The following FBXL13 variants were observed in gnomAD, a reference collection of about 807,000 sequenced individuals.
FBXL13 encodes F-box and leucine rich repeat protein 13, also known as F-box and leucine-rich repeat protein 13.
In FBXL13, 67 loss-of-function variants were observed where a neutral mutation model predicts 83.6. The ratio of observed to expected loss-of-function variants is 0.80; its 90% CI spans 0.66 to 0.98. The LOEUF is 0.98. FBXL13 is among the 50% of genes least tolerant of loss of function. The pLI, the probability that FBXL13 is intolerant of heterozygous loss-of-function variation, is 0.00. For missense variants in FBXL13, 822 were observed against 866.5 expected (o/e 0.95, Z 0.64); for synonymous variants, 272 against 299.5 (o/e 0.91, Z 0.95).
intron 8 of FBXL13, among the ~76,000 whole-genome samples, chr7:102,946,110 G>A (rs929748123): frequency 2.0e-5 from 3 of 152,174 alleles, no homozygotes; most frequent in Non-Finnish European, 2.9e-5. Context: ...TTGAACTCCT[G>A]ACTTCAAGTG....
At chr7:102,966,803 A>T (rs1351737477) in intron 7 of FBXL13, among the ~76,000 whole-genome samples, 1 of 152,198 alleles carries the variant, frequency 6.6e-6, no homozygotes, top group Non-Finnish European at 1.5e-5. Context: ...GCAATGAGAA[A>T]TTGCCTGTTC....
intron 8 of FBXL13, among the ~76,000 whole-genome samples, chr7:102,955,489 C>A (rs1267361975): frequency 3.3e-5 from 5 of 151,138 alleles, no homozygotes; most frequent in Non-Finnish European, 5.9e-5. Flanking sequence ...ACTAGAGAAG[C>A]AAGAGCAAAT....
intron 2 of FBXL13, among the ~76,000 whole-genome samples, chr7:103,045,628 T>C (rs1796195292): frequency 6.6e-6 from 1 of 152,264 alleles, no homozygotes; most frequent in Non-Finnish European, 1.5e-5. Context: ...TGGTCTGTTC[T>C]AGGATCTATG....
intron 8 of FBXL13, among the ~76,000 whole-genome samples, chr7:102,961,587 A>G (rs1825220524): frequency 6.6e-6 from 1 of 150,828 alleles, no homozygotes; most frequent in Non-Finnish European, 1.5e-5. Flanking sequence ...TTCAAACTAT[A>G]CTACAAGGCT....
intron 8 of FBXL13, among the ~76,000 whole-genome samples, chr7:102,947,162 A>T (rs1320006737): frequency 1.3e-5 from 2 of 152,218 alleles, no homozygotes; most frequent in East Asian, 1.9e-4. Flanking sequence ...ATTATTGTTC[A>T]TGAGCCTCAG....
chr7:102,829,672 G>T (rs764271660), intron 18 of FBXL13, among the ~76,000 whole-genome samples: 1 of 152,078 alleles, frequency 6.6e-6, no homozygotes, highest in African/African-American at 2.4e-5. Flanking sequence ...TTTTAGTGTC[G>T]AGTAGGATGA....
intron 8 of FBXL13, chr7:102,944,417 A>G (rs200471398): frequency 6.2e-7 from 1 of 1,614,076 alleles, no homozygotes; most frequent in East Asian, 2.2e-5. Context: ...CTGGAATGCA[A>G]AACGCCTGAA....
intron 6 of FBXL13, chr7:102,976,243 G>GT (rs745804795): frequency 2.8e-6 from 2 of 722,928 alleles, no homozygotes; most frequent in African/African-American, 3.4e-5. Flanking sequence ...AGGCCAGTAT[G>GT]TTTTTAAAAT....
At chr7:102,863,524 A>T (rs1307793823) in intron 16 of FBXL13, among the ~76,000 whole-genome samples, 1 of 144,132 alleles carries the variant, frequency 6.9e-6, no homozygotes, top group African/African-American at 2.6e-5. Flanking sequence ...GGGGGGGGGG[A>T]TGGTACTGAA....
At chr7:102,822,512 G>A (rs1798940503) in intron 18 of FBXL13, 1 of 515,940 alleles carries the variant, frequency 1.9e-6, no homozygotes, top group Non-Finnish European at 3.7e-6. Context: ...CATCATGGGA[G>A]CTCTACCCTT....
intron 8 of FBXL13, among the ~76,000 whole-genome samples, chr7:102,947,388 G>C (rs1822707999): frequency 6.6e-6 from 1 of 152,106 alleles, no homozygotes; most frequent in Non-Finnish European, 1.5e-5. Context: ...TAATCCCCAG[G>C]GATGTATTTG....
At chr7:102,961,442 A>AAG (rs1825189185) in intron 8 of FBXL13, among the ~76,000 whole-genome samples, 2 of 149,316 alleles carry the variant, frequency 1.3e-5, no homozygotes, top group Admixed American at 1.3e-4. Flanking sequence ...TGCCATCCCC[A>AAG]TCAAGCTACC....
chr7:103,028,618 G>T (rs1462533735), exon 4 of FBXL13: 2 of 1,573,712 alleles, frequency 1.3e-6, no homozygotes, highest in Non-Finnish European at 8.6e-7. Context: ...TTTTCTTTCT[G>T]GTCTTCCATA....
exon 19 of FBXL13, chr7:102,822,154 T>G: frequency 6.2e-7 from 1 of 1,614,176 alleles, no homozygotes; most frequent in Non-Finnish European, 8.5e-7. Flanking sequence ...ATCCAAAATG[T>G]GCAGGTAATG....
At chr7:102,879,635 G>A (rs1809753084) in intron 14 of FBXL13, among the ~76,000 whole-genome samples, 2 of 152,070 alleles carry the variant, frequency 1.3e-5, no homozygotes, top group Non-Finnish European at 2.9e-5. Flanking sequence ...ACACAAGCTG[G>A]GGTTTCATCC....
At chr7:102,924,641 CTT>C (rs71106699) in intron 10 of FBXL13, among the ~76,000 whole-genome samples, 8 of 121,020 alleles carry the variant, frequency 6.6e-5, no homozygotes, top group Non-Finnish European at 3.3e-5. Context: ...GTAAGCTTTT[CTT>C]TTTTTTTTTT....
In FBXL13 at chr7:102,910,031, C is replaced by T. The variant is rs529829899; in HGVS notation, c.1008+3055G>A. Among the ~76,000 whole-genome samples, 386 of 152,288 alleles carry T rather than the reference C, an allele frequency of 2.5e-3. 3 individuals are homozygous for T. Among genetic ancestry groups the T allele is most frequent in the African/African-American group, 8.9e-3 (369 of 41,558 alleles). On this transcript the variant is annotated intron_variant, in intron 11 of 19. Coordinates refer to ENST00000313221, the Ensembl canonical transcript of FBXL13. ...TACCTGGAGGCACAGCGCACTGTAGCCCTCAGTGGTGAGGTTTGTAGAACT... is the reference window on the plus strand; with the variant it reads ...TACCTGGAGGCACAGCGCACTGTAGTCCTCAGTGGTGAGGTTTGTAGAACT...
intron 19 of FBXL13, among the ~76,000 whole-genome samples, chr7:102,813,766 A>G (rs185022975): frequency 1.3e-5 from 2 of 152,316 alleles, no homozygotes; most frequent in Admixed American, 6.5e-5. Flanking sequence ...GTGAATGGGT[A>G]AGGAAACTAC....
At chr7:103,009,588 T>A (rs1475739152) in intron 6 of FBXL13, among the ~76,000 whole-genome samples, 1 of 152,124 alleles carries the variant, frequency 6.6e-6, no homozygotes, top group Admixed American at 6.5e-5. Context: ...GGGCAACTCC[T>A]GAGTGCAAGG....
Sources: gnomAD v4.1 joint callset for allele counts (sites outside exome capture counted in the v4.1 genomes callset) on GRCh38, gnomAD v4.1.1 for gene constraint, MANE v1.5 for transcripts, NCBI Gene and HGNC (gene_info 2026-07-23, HGNC 2026-07-21) for gene names.